The following N4BP1 variants were observed in gnomAD, a reference collection of about 807,000 sequenced individuals.
The protein encoded by N4BP1 is NEDD4-binding protein 1.
N4BP1 carries 21 observed loss-of-function variants against 70.9 expected under a neutral mutation model. That is an observed-to-expected ratio of 0.30 (90% confidence interval 0.21 to 0.43). N4BP1 has a LOEUF of 0.43. Among genes scored for constraint, N4BP1 ranks in the 20% least tolerant of loss-of-function variants. The pLI, the probability that N4BP1 is intolerant of heterozygous loss-of-function variation, is 1.00. For synonymous variants in N4BP1, 387 were observed against 394.6 expected, an observed-to-expected ratio of 0.98 and a Z score of 0.23; for missense variants, 936 against 1,069.4, an observed-to-expected ratio of 0.88 and a Z score of 1.74.
At chr16:48,593,432 G>A (rs866812975) in intron 1 of N4BP1, among the ~76,000 whole-genome samples, 1 of 152,218 alleles carries the variant, frequency 6.6e-6, no homozygotes, top group Non-Finnish European at 1.5e-5. Flanking sequence ...AGTTTAGAGG[G>A]TTAAAGGATT....
intron 1 of N4BP1, among the ~76,000 whole-genome samples, chr16:48,581,160 T>G (rs1176052481): frequency 6.6e-6 from 1 of 151,778 alleles, no homozygotes; most frequent in Non-Finnish European, 1.5e-5. Flanking sequence ...CAGGATACAT[T>G]ACATTAACAG....
Position 48,546,170 on chromosome 16 carries a change from A to T in N4BP1, c.2310T>A (p.Phe770Leu). The change falls in exon 6 of 7, where the codon TTT becomes TTA. Residue 770 changes from phenylalanine (F) to leucine (L), a missense_variant. By Grantham distance (22) the Phe-to-Leu change is conservative. This residue lies in a region of N4BP1 where 229 missense variants were observed against 343.5 expected (regional missense o/e 0.67). Transcript: ENST00000262384. Reference protein sequence around the residue: ...LGRSGPRLEEFLQKEVCLRDM... With the variant: ...LGRSGPRLEELLQKEVCLRDM... Reference sequence around the variant, plus strand: ...ACCTAAGACAGACTTCCTTCTGAAGAAACTCCTCTAATCGAGGTCCACTTC... The same window carrying T: ...ACCTAAGACAGACTTCCTTCTGAAGTAACTCCTCTAATCGAGGTCCACTTC... 1 of 1,612,508 alleles carries T rather than the reference A, an allele frequency of 6.2e-7. No individual in the cohort carries two copies. Among genetic ancestry groups the T allele is most frequent in the Non-Finnish European group, 8.5e-7 (1 of 1,178,998 alleles).
intron 2 of N4BP1, 91 bp from the exon 3 acceptor site, chr16:48,553,760 A>C: frequency 9.3e-7 from 1 of 1,076,982 alleles, no homozygotes; most frequent in Non-Finnish European, 1.3e-6. Context: ...TACACATACA[A>C]CAAACAGTAA....
At chr16:48,609,464 G>A (rs1172095412) in intron 1 of N4BP1, among the ~76,000 whole-genome samples, 2 of 152,192 alleles carry the variant, frequency 1.3e-5, no homozygotes, top group African/African-American at 4.8e-5. Context: ...GACATGCGCA[G>A]CGCACCCGAT....
intron 1 of N4BP1, among the ~76,000 whole-genome samples, chr16:48,591,228 T>A (rs1447913938): frequency 6.6e-6 from 1 of 152,214 alleles, no homozygotes. Flanking sequence ...GCAGCCCAGG[T>A]TGAATTCTTG....
In N4BP1 at chr16:48,551,447, T is replaced by C. The variant is rs1394452448; in HGVS notation, c.2056A>G (p.Ile686Val). 1 of 1,613,340 alleles carries C rather than the reference T, an allele frequency of 6.2e-7. No homozygotes were observed. Among genetic ancestry groups the C allele is most frequent in the Non-Finnish European group, 8.5e-7 (1 of 1,179,522 alleles). The stretch of plus-strand genomic sequence containing the variant: ...ATCCGGGCAGGAGTTAAAGATAATA[T>C]TCCGAGCTCCTGGAGCTGGGTTAAG... Reference protein sequence around the residue: ...HFLTQLQELGILSLTPARMVF... With the variant: ...HFLTQLQELGVLSLTPARMVF... The change falls in exon 4 of 7, where the codon ATA becomes GTA. Residue 686 changes from isoleucine to valine, a missense_variant. By Grantham distance (29) the Ile-to-Val change is conservative (BLOSUM62 3). Coordinates refer to ENST00000262384, the MANE Select transcript of N4BP1 (RefSeq NM_153029.4).
chr16:48,562,252 T>C lies in N4BP1; in HGVS notation c.391A>G (p.Arg131Gly). The change falls in exon 2 of 7, where the codon AGG (arginine) becomes GGG (glycine). Residue 131 changes from arginine to glycine, a missense_variant. Arg to Gly is a moderately radical substitution (Grantham distance 125, BLOSUM62 -2). Transcript: ENST00000262384. Reference sequence around the variant, plus strand: ...TTTACAAATTGTTGAATGTGACTCCTAGCCATGACCACAGCCTCAGCACTT... The same window carrying C: ...TTTACAAATTGTTGAATGTGACTCCCAGCCATGACCACAGCCTCAGCACTT... ...RGSAEAVVMARSHIQQFVKLF... is the reference protein window; with the variant it reads ...RGSAEAVVMAGSHIQQFVKLF... The C allele has an allele frequency of 1.2e-6, 2 of 1,613,962 alleles. No individual in the cohort carries two copies. Among genetic ancestry groups the C allele is most frequent in the South Asian group, 1.1e-5 (1 of 91,084 alleles).
At chr16:48,563,153 T>C (rs370775905) in intron 1 of N4BP1, among the ~76,000 whole-genome samples, 1 of 151,792 alleles carries the variant, frequency 6.6e-6, no homozygotes, top group East Asian at 1.9e-4. Context: ...AAAAAAAAAG[T>C]TTTCTTTTAA....
In N4BP1 at chr16:48,599,044, G is replaced by A. The variant is rs971407888; in HGVS notation, c.198+10731C>T. 7.9e-5 allele frequency among the ~76,000 whole-genome samples: 12 copies of A among 152,224 alleles called. 1 individual carries two copies. Among genetic ancestry groups the A allele is most frequent in the Admixed American group, 6.5e-4 (10 of 15,294 alleles). ...TACCTAGTACTGTAAAACCAAAACC[G>A]GTTCATAAAGTCCTAACAGAGGCTA... On this transcript the variant is annotated intron_variant, in intron 1 of 6. Coordinates refer to ENST00000262384, the MANE Select transcript of N4BP1 (RefSeq NM_153029.4).
intron 1 of N4BP1, among the ~76,000 whole-genome samples, chr16:48,586,349 G>A (rs1466741572): frequency 6.6e-6 from 1 of 152,106 alleles, no homozygotes; most frequent in African/African-American, 2.4e-5. Context: ...ACATACACAT[G>A]CTCTTTTTAA....
intron 1 of N4BP1, among the ~76,000 whole-genome samples, chr16:48,570,267 C>T (rs973586683): frequency 1.3e-5 from 2 of 152,324 alleles, no homozygotes; most frequent in Non-Finnish European, 2.9e-5. Context: ...ATTTCCACTT[C>T]CAGGTGGAGC....
intron 1 of N4BP1, among the ~76,000 whole-genome samples, chr16:48,586,784 A>G (rs1026189675): frequency 6.6e-6 from 1 of 152,216 alleles, no homozygotes; most frequent in African/African-American, 2.4e-5. Context: ...TGTTTCTTAA[A>G]TAGCTCAACA....
At chr16:48,583,920 T>A (rs767091172) in intron 1 of N4BP1, among the ~76,000 whole-genome samples, 3 of 152,230 alleles carry the variant, frequency 2.0e-5, no homozygotes, top group Non-Finnish European at 4.4e-5. Flanking sequence ...ATGTCTCATT[T>A]TGGCTCCCAG....
At chr16:48,599,197 C>G (rs935769432) in intron 1 of N4BP1, among the ~76,000 whole-genome samples, 16 of 152,122 alleles carry the variant, frequency 1.1e-4, no homozygotes, top group African/African-American at 3.9e-4. Flanking sequence ...CCCACTGCCC[C>G]CGCCCCTCAT....
In N4BP1 at chr16:48,562,170, C is replaced by T; in HGVS notation, c.473G>A (p.Arg158Lys). The T allele has an allele frequency of 6.2e-7, 1 of 1,613,950 alleles. No homozygotes were observed. Among genetic ancestry groups the T allele is most frequent in the Non-Finnish European group, 8.5e-7 (1 of 1,179,878 alleles). The change falls in exon 2 of 7, where the codon AGG becomes AAG. Residue 158 changes from arginine to lysine, a missense_variant. Physicochemically the swap from Arg to Lys is conservative, Grantham distance 26. Transcript: ENST00000262384. Reference protein sequence around the residue: ...PSSQKESEVKREFKQFVEAHA... With the variant: ...PSSQKESEVKKEFKQFVEAHA... ...GGCTTCAACAAATTGTTTGAATTCC[C>T]TTTTCACCTCTGATTCTTTCTGACT...
At chr16:48,571,508 C>G (rs773010092) in intron 1 of N4BP1, among the ~76,000 whole-genome samples, 1 of 152,126 alleles carries the variant, frequency 6.6e-6, no homozygotes, top group Non-Finnish European at 1.5e-5. Flanking sequence ...ACATGGAGAA[C>G]TGCAGGAAAC....
At chr16:48,555,962 G>T (rs9921737) in intron 2 of N4BP1, among the ~76,000 whole-genome samples, 54,791 of 151,948 alleles carry the variant, frequency 0.36, 10,107 homozygotes, top group African/African-American at 0.42. Context: ...TCTAGTGATG[G>T]CAAGAGGAGG....
chr16:48,570,645 C>T (rs912322935), intron 1 of N4BP1, among the ~76,000 whole-genome samples: 7 of 152,166 alleles, frequency 4.6e-5, no homozygotes, highest in African/African-American at 1.7e-4. Flanking sequence ...CTGCGCCCAG[C>T]TGGTGGTACT....
chr16:48,584,704 G>A (rs1964218407), intron 1 of N4BP1, among the ~76,000 whole-genome samples: 1 of 151,952 alleles, frequency 6.6e-6, no homozygotes, highest in Non-Finnish European at 1.5e-5. Context: ...GAGCCCAGGA[G>A]TTCTGAGTCC....
Sources: allele counts gnomAD v4.1 joint callset (sites outside exome capture counted in the v4.1 genomes callset), GRCh38; gene constraint gnomAD v4.1.1; regional missense constraint gnomAD v4.1.1; transcripts MANE v1.5; gene names NCBI Gene and HGNC (gene_info 2026-07-23, HGNC 2026-07-21).